The following MCM6 variants were observed in gnomAD, a reference collection of about 807,000 sequenced individuals.
MCM6 encodes DNA replication licensing factor MCM6.
In MCM6, 46 loss-of-function variants were observed where a neutral mutation model predicts 94.3. That is an observed-to-expected ratio of 0.49 (90% confidence interval 0.39 to 0.62). The LOEUF is 0.62. Ranked by LOEUF, MCM6 falls within the 20% of genes least tolerant of loss-of-function variation. The probability of loss-of-function intolerance (pLI) is 0.00; values close to 1 mark genes in which losing one functional copy is unlikely to be tolerated. For missense variants in MCM6, 865 were observed against 1,017.9 expected, an observed-to-expected ratio of 0.85 and a Z score of 2.04; for synonymous variants, 335 against 351.9, an observed-to-expected ratio of 0.95 and a Z score of 0.54.
chr2:135,872,144 G>GA (rs1256791701), intron 2 of MCM6, among the ~76,000 whole-genome samples: 5 of 151,102 alleles, frequency 3.3e-5, no homozygotes, highest in African/African-American at 7.3e-5. Context: ...ATTTGTATTT[G>GA]AAAAAAAAAG....
intron 16 of MCM6, among the ~76,000 whole-genome samples, chr2:135,841,332 A>G (rs1019266948): frequency 0.021 from 123 of 5,732 alleles, no homozygotes; most frequent in African/African-American, 0.022. Context: ...GCAATTTTTA[A>G]TTATGACCAC....
intron 11 of MCM6, among the ~76,000 whole-genome samples, chr2:135,855,130 T>C (rs567217021): frequency 4.3e-4 from 66 of 152,226 alleles, no homozygotes; most frequent in African/African-American, 1.5e-3. Flanking sequence ...CAGTCCAGTC[T>C]GGGCAACAGA....
In MCM6 at chr2:135,846,364, G is replaced by T; in HGVS notation, c.2082C>A (p.Asn694Lys). 1 of 1,614,076 alleles carries T rather than the reference G, an allele frequency of 6.2e-7. No homozygotes were observed. The highest frequency in any genetic ancestry group is 8.5e-7 in the Non-Finnish European group (1 of 1,179,952). Residue 694 changes from asparagine to lysine, a missense_variant, in exon 15 of 17, where the codon AAC becomes AAA. Asn to Lys is a moderately conservative substitution (Grantham distance 94). Transcript: ENST00000264156. ...NGHADSPAPV[N>K]GINGYNEDIN... ...TGTCTTCATTGTAGCCATTGATCCC[G>T]TTCACAGGAGCAGGGCTGTCAGCAT...
intron 15 of MCM6, 135 bp downstream of exon 15, chr2:135,846,102 T>G (rs1271509354): frequency 7.4e-6 from 6 of 807,806 alleles, no homozygotes; most frequent in Non-Finnish European, 1.2e-5. Context: ...AAATTTACTT[T>G]GCTAAAGTGA....
rs1251540568 is a variant in MCM6, at chr2:135,868,720, T to A, written c.506A>T (p.Glu169Val). The change falls in exon 4 of 17, where the codon GAA becomes GTA. Residue 169 changes from glutamate to valine, a missense_variant. Glu to Val is a moderately radical substitution (Grantham distance 121, BLOSUM62 -2). Transcript: ENST00000264156. ...TGGCTGTGTGTATTTGAACTGCTGTTCTACATCCCTGATCACTGTCTGACA... is the reference window on the plus strand; with the variant it reads ...TGGCTGTGTGTATTTGAACTGCTGTACTACATCCCTGATCACTGTCTGACA... ...LDCQTVIRDV[E>V]QQFKYTQPNI... The A allele has an allele frequency of 6.2e-7, 1 of 1,614,084 alleles. No individual in the cohort carries two copies. Among genetic ancestry groups the A allele is most frequent in the African/African-American group, 1.3e-5 (1 of 74,918 alleles).
At chr2:135,872,188 G>A (rs1680212698) in intron 2 of MCM6, among the ~76,000 whole-genome samples, 1 of 152,186 alleles carries the variant, frequency 6.6e-6, no homozygotes. Flanking sequence ...GCTCACGCCT[G>A]TAATCCCAGC....
intron 4 of MCM6, among the ~76,000 whole-genome samples, chr2:135,867,709 C>T (rs1433552971): frequency 4.6e-5 from 7 of 152,148 alleles, no homozygotes; most frequent in East Asian, 1.9e-4. Flanking sequence ...AAACCCATCA[C>T]GGACTTATTC....
At chr2:135,851,802 G>A (rs1209609899) in intron 12 of MCM6, 1 of 317,052 alleles carries the variant, frequency 3.2e-6, no homozygotes, top group African/African-American at 2.1e-5. Context: ...TAGTATTTAA[G>A]CAAATGACCA....
intron 5 of MCM6, 84 bp from the exon 6 acceptor site, chr2:135,866,361 A>C (rs1167188522): frequency 6.5e-7 from 1 of 1,530,386 alleles, no homozygotes; most frequent in Non-Finnish European, 8.9e-7. Flanking sequence ...GAAAGCTATA[A>C]ATCCAAAGAC....
At chr2:135,854,627 C>CTTTGGG (rs1679840747) in intron 11 of MCM6, among the ~76,000 whole-genome samples, 1 of 149,354 alleles carries the variant, frequency 6.7e-6, no homozygotes, top group Non-Finnish European at 1.5e-5. Flanking sequence ...AATCCCAACA[C>CTTTGGG]TTTGGGAAGC....
At chr2:135,860,182 G>C (rs552954574) in intron 8 of MCM6, among the ~76,000 whole-genome samples, 2 of 151,886 alleles carry the variant, frequency 1.3e-5, no homozygotes, top group South Asian at 4.1e-4. Flanking sequence ...ACCCAGGCTG[G>C]AGTGCAGTGG....
chr2:135,846,106 A>T, intron 15 of MCM6, 131 bp downstream of exon 15: 1 of 853,524 alleles, frequency 1.2e-6, no homozygotes, highest in Non-Finnish European at 1.8e-6. Context: ...TTACTTTGCT[A>T]AAGTGAGTTT....
intron 13 of MCM6, among the ~76,000 whole-genome samples, chr2:135,848,493 T>C (rs1679710523): frequency 6.6e-6 from 1 of 152,172 alleles, no homozygotes; most frequent in Non-Finnish European, 1.5e-5. Flanking sequence ...CAGAAAAACA[T>C]GCATTAACCT....
chr2:135,870,270 C>A lies in MCM6; in HGVS notation c.346G>T (p.Asp116Tyr). ...TCTTACTTGTGTCTGGTAGGCAGGT[C>A]TTGGAATGCAACATAAAAATCCTTG... ...LAKDFYVAFQ[D>Y]LPTRHKIREL... The change falls in exon 3 of 17, where the codon GAC (aspartate) becomes TAC (tyrosine). Residue 116 changes from aspartate to tyrosine, a missense_variant. Transcript: ENST00000264156. The A allele has an allele frequency of 6.2e-7, 1 of 1,613,326 alleles. No individual in the cohort carries two copies. The highest frequency in any genetic ancestry group is 8.5e-7 in the Non-Finnish European group (1 of 1,179,412).
chr2:135,860,210 C>T (rs992344406), intron 8 of MCM6, among the ~76,000 whole-genome samples: 21 of 152,010 alleles, frequency 1.4e-4, no homozygotes, highest in Admixed American at 9.8e-4. Flanking sequence ...TTGGCTCACT[C>T]CAAGCTCTGC....
chr2:135,858,146 A>C (rs1450552134), intron 9 of MCM6, 142 bp from the exon 10 acceptor site: 21 of 717,262 alleles, frequency 2.9e-5, no homozygotes, highest in Non-Finnish European at 3.9e-5. Context: ...GTGAGCCATG[A>C]TTGCCACTGT....
chr2:135,872,651 G>T (rs1472554530), intron 2 of MCM6, 46 bp downstream of exon 2: 3 of 1,592,476 alleles, frequency 1.9e-6, no homozygotes, highest in Middle Eastern at 3.4e-4. Flanking sequence ...CTGGCTTCCC[G>T]GATTTCAACC....
chr2:135,846,946 GTGAGA>G (rs561570876), intron 14 of MCM6, among the ~76,000 whole-genome samples: 1 of 151,990 alleles, frequency 6.6e-6, no homozygotes, highest in Non-Finnish European at 1.5e-5. Context: ...AAAGGTTGCA[GTGAGA>G]TGAGATTGCA....
At chr2:135,843,938 C>T (rs1051726886) in intron 16 of MCM6, among the ~76,000 whole-genome samples, 3 of 151,682 alleles carry the variant, frequency 2.0e-5, no homozygotes, top group Non-Finnish European at 2.9e-5. Context: ...TGTGATGGGC[C>T]TGTGAGAGAG....
Sources: gnomAD v4.1 joint callset for allele counts (sites outside exome capture counted in the v4.1 genomes callset) on GRCh38, gnomAD v4.1.1 for gene constraint, MANE v1.5 for transcripts, NCBI Gene and HGNC (gene_info 2026-07-23, HGNC 2026-07-21) for gene names.